Variants in TBC1D5 observed in about 807,000 individuals in gnomAD.
TBC1D5 encodes the protein TBC1 domain family, member 5.
A neutral mutation model predicts 100.3 loss-of-function variants in TBC1D5; 75 were observed. The observed-to-expected ratio is 0.75, with a 90% confidence interval of 0.62 to 0.91. TBC1D5 has a LOEUF of 0.91. Ranked by LOEUF, TBC1D5 falls within the 40% of genes least tolerant of loss-of-function variation. The pLI, the probability that TBC1D5 is intolerant of heterozygous loss-of-function variation, is 0.00. For synonymous variants in TBC1D5, 323 were observed against 325.6 expected (o/e 0.99, Z 0.09); for missense variants, 910 against 942.4 (o/e 0.97, Z 0.45).
intron 8 of TBC1D5, among the ~76,000 whole-genome samples, chr3:17,386,064 T>C (rs1164285756): frequency 6.6e-6 from 1 of 152,138 alleles, no homozygotes; most frequent in Non-Finnish European, 1.5e-5. Flanking sequence ...GATAGGTAAG[T>C]AGTTAATAAA....
intron 2 of TBC1D5, among the ~76,000 whole-genome samples, chr3:17,585,174 G>A (rs578178581): frequency 6.6e-6 from 1 of 152,006 alleles, no homozygotes; most frequent in Non-Finnish European, 1.5e-5. Flanking sequence ...TTATACATCA[G>A]GAAAAAATGC....
intron 1 of TBC1D5, among the ~76,000 whole-genome samples, chr3:17,631,580 T>C (rs1273765048): frequency 6.6e-6 from 1 of 152,210 alleles, no homozygotes; most frequent in East Asian, 1.9e-4. Context: ...GAGAAATCAG[T>C]GCCTGGCTTC....
chr3:17,226,814 C>T (rs927020285), intron 17 of TBC1D5, among the ~76,000 whole-genome samples: 1 of 152,166 alleles, frequency 6.6e-6, no homozygotes, highest in Non-Finnish European at 1.5e-5. Flanking sequence ...ATTTCTGACC[C>T]ATGACATTTA....
chr3:17,518,565 A>C (rs1394279963), intron 2 of TBC1D5, among the ~76,000 whole-genome samples: 1 of 152,124 alleles, frequency 6.6e-6, no homozygotes, highest in Admixed American at 6.5e-5. Flanking sequence ...CAGCAATAAA[A>C]TCCCCCGCAT....
At chr3:17,201,255 A>C (rs1419869103) in intron 18 of TBC1D5, among the ~76,000 whole-genome samples, 1 of 152,116 alleles carries the variant, frequency 6.6e-6, no homozygotes, top group Non-Finnish European at 1.5e-5. Context: ...GTGAAAAAAA[A>C]CACGGCCCCT....
intron 18 of TBC1D5, among the ~76,000 whole-genome samples, chr3:17,195,868 CTT>C (rs1559387944): frequency 6.6e-6 from 1 of 151,490 alleles, no homozygotes; most frequent in Non-Finnish European, 1.5e-5. Flanking sequence ...GCCTATCATA[CTT>C]TTGTTAGTTC....
chr3:17,610,932 C>G (rs1339794415), intron 2 of TBC1D5, among the ~76,000 whole-genome samples: 2 of 152,092 alleles, frequency 1.3e-5, no homozygotes, highest in African/African-American at 4.8e-5. Flanking sequence ...ATGACTTGAA[C>G]CTGGGAGGCA....
At chr3:17,479,558 A>G (rs1213875468) in intron 3 of TBC1D5, among the ~76,000 whole-genome samples, 3 of 152,174 alleles carry the variant, frequency 2.0e-5, no homozygotes, top group African/African-American at 7.2e-5. Flanking sequence ...AAAAATCAGA[A>G]AAGAGGTCAG....
At position 17,212,186 on chromosome 3, in the gene TBC1D5, T is replaced by C. The variant is rs74398345; in HGVS notation, c.1752+2021A>G. Among the ~76,000 whole-genome samples the C allele has an allele frequency of 2.7e-3, 406 of 152,308 alleles. 1 individual carries two copies. The highest frequency in any genetic ancestry group is 6.8e-3 in the Middle Eastern group (2 of 294). On this transcript the variant is annotated intron_variant, in intron 18 of 21. Transcript: ENST00000253692. ...GGCAGATGAGATCTTATTAAGATAT[T>C]AGGTGTTAAACTACAGTCATGTGCC... is the stretch of plus-strand genomic sequence containing the variant.
At chr3:17,703,821 A>G (rs2073547731) in intron 1 of TBC1D5, among the ~76,000 whole-genome samples, 1 of 152,182 alleles carries the variant, frequency 6.6e-6, no homozygotes. Context: ...TGATCTTAAA[A>G]TAATTGTGCT....
chr3:17,740,236 G>A (rs2077307032), exon 1 of TBC1D5: 1 of 151,888 alleles, frequency 6.6e-6, no homozygotes. Context: ...GCTGAGGCAG[G>A]AGAAGTGTTT....
At chr3:17,543,016 G>A (rs2096374096) in intron 2 of TBC1D5, among the ~76,000 whole-genome samples, 2 of 152,022 alleles carry the variant, frequency 1.3e-5, no homozygotes, top group Admixed American at 6.6e-5. Context: ...TTTTAACACA[G>A]CAAAACACTG....
intron 2 of TBC1D5, among the ~76,000 whole-genome samples, chr3:17,590,252 T>C (rs546386858): frequency 6.6e-6 from 1 of 152,276 alleles, no homozygotes; most frequent in African/African-American, 2.4e-5. Context: ...TGTAGGATAA[T>C]GGTGGAAGGA....
intron 2 of TBC1D5, among the ~76,000 whole-genome samples, chr3:17,608,716 T>C (rs1342098719): frequency 1.3e-5 from 2 of 152,192 alleles, no homozygotes; most frequent in South Asian, 2.1e-4. Flanking sequence ...TCTACTCCTA[T>C]ACCAAATTGC....
chr3:17,178,074 T>G (rs2067996664), intron 19 of TBC1D5, among the ~76,000 whole-genome samples: 1 of 150,178 alleles, frequency 6.7e-6, no homozygotes. Context: ...TCCTTTTTTT[T>G]TTTTTTTTTG....
intron 1 of TBC1D5, among the ~76,000 whole-genome samples, chr3:17,624,810 G>A (rs1180514556): frequency 1.3e-5 from 2 of 151,948 alleles, no homozygotes; most frequent in Non-Finnish European, 2.9e-5. Flanking sequence ...AAATGCAGAG[G>A]AAGTTTTTCT....
chr3:17,320,398 GC>G (rs2085260198), intron 13 of TBC1D5, among the ~76,000 whole-genome samples: 1 of 152,168 alleles, frequency 6.6e-6, no homozygotes. Context: ...ATTTTAAAAA[GC>G]CCTTTGGGTG....
chr3:17,285,772 T>C (rs2081124133), intron 15 of TBC1D5, among the ~76,000 whole-genome samples: 1 of 152,222 alleles, frequency 6.6e-6, no homozygotes, highest in African/African-American at 2.4e-5. Flanking sequence ...GAGTAAAAAT[T>C]AAAGTACCTA....
chr3:17,693,205 T>C (rs1219701837), intron 1 of TBC1D5, among the ~76,000 whole-genome samples: 1 of 152,140 alleles, frequency 6.6e-6, no homozygotes, highest in African/African-American at 2.4e-5. Context: ...CCAACTGAGG[T>C]ACCTGGTTCA....
Sources: allele counts gnomAD v4.1 joint callset (sites outside exome capture counted in the v4.1 genomes callset), GRCh38; gene constraint gnomAD v4.1.1; transcripts MANE v1.5; gene names NCBI Gene and HGNC (gene_info 2026-07-23, HGNC 2026-07-21).